The following SLC28A3 variants were observed in gnomAD, a reference collection of about 807,000 sequenced individuals.
SLC28A3 encodes concentrative Na(+)-nucleoside cotransporter 3.
A neutral mutation model predicts 84.2 loss-of-function variants in SLC28A3; 68 were observed. That is an observed-to-expected ratio of 0.81 (90% CI 0.66 to 0.99). The LOEUF (loss-of-function observed/expected upper bound fraction) is 0.99, where lower values mean the gene tolerates loss of function less well. SLC28A3 is among the 50% of genes least tolerant of loss of function. The pLI is 0.00. For missense variants in SLC28A3, 712 were observed against 841.5 expected (o/e 0.85, Z 1.90); for synonymous variants, 267 against 303.6 (o/e 0.88, Z 1.25).
At chr9:84,318,540 T>C (rs1564169347) in intron 1 of SLC28A3, among the ~76,000 whole-genome samples, 1 of 151,834 alleles carries the variant, frequency 6.6e-6, no homozygotes, top group African/African-American at 2.4e-5. Flanking sequence ...ATAATAAGAG[T>C]TTTAAGAAAG....
chr9:84,367,365 T>A, the SLC28A3 span, among the ~76,000 whole-genome samples: 2 of 152,186 alleles, frequency 1.3e-5, no homozygotes, highest in Non-Finnish European at 2.9e-5. Context: ...CCCAAAAGCC[T>A]GCCTGGTGCT....
At chr9:84,320,059 T>TTTTG (rs1273044391) in intron 1 of SLC28A3, among the ~76,000 whole-genome samples, 1 of 135,516 alleles carries the variant, frequency 7.4e-6, no homozygotes, top group African/African-American at 2.9e-5. Flanking sequence ...TTTTTTTTTT[T>TTTTG]TTTTTTTTGA....
At chr9:84,314,890 A>C (rs995327359) in intron 1 of SLC28A3, among the ~76,000 whole-genome samples, 1 of 152,328 alleles carries the variant, frequency 6.6e-6, no homozygotes. Context: ...CATCCTGGCT[A>C]ACATGGTGAA....
chr9:84,290,328 G>T, intron 10 of SLC28A3, 49 bp from the exon 11 acceptor site: 3 of 1,598,586 alleles, frequency 1.9e-6, no homozygotes, highest in Non-Finnish European at 2.6e-6. Context: ...CTGTGTGGGG[G>T]CAGGGGAAGG....
At chr9:84,278,629 C>A (rs1239350616) in intron 17 of SLC28A3, among the ~76,000 whole-genome samples, 1 of 152,014 alleles carries the variant, frequency 6.6e-6, no homozygotes, top group African/African-American at 2.4e-5. Flanking sequence ...TGTGGGAACA[C>A]TGATTTTGCA....
chr9:84,321,785 C>T (rs1826390098), intron 1 of SLC28A3, among the ~76,000 whole-genome samples: 2 of 149,408 alleles, frequency 1.3e-5, no homozygotes, highest in Non-Finnish European at 3.0e-5. Flanking sequence ...GGCGTGGTGG[C>T]TCATGCCTAT....
chr9:84,346,647 AG>A, the SLC28A3 span, among the ~76,000 whole-genome samples: 1 of 152,212 alleles, frequency 6.6e-6, no homozygotes, highest in Non-Finnish European at 1.5e-5. Flanking sequence ...ATCATCCAAG[AG>A]GGGAAAAAGG....
intron 1 of SLC28A3, among the ~76,000 whole-genome samples, chr9:84,316,590 C>T (rs1405970407): frequency 1.3e-5 from 2 of 152,208 alleles, no homozygotes; most frequent in South Asian, 2.1e-4. Flanking sequence ...AGGCTCACCC[C>T]GGCTCTGTAC....
intron 11 of SLC28A3, among the ~76,000 whole-genome samples, chr9:84,288,611 T>A (rs540937539): frequency 3.9e-5 from 6 of 152,032 alleles, no homozygotes; most frequent in Admixed American, 1.3e-4. Context: ...AGTGGTGCGA[T>A]CTTGGCTCCC....
the SLC28A3 span, among the ~76,000 whole-genome samples, chr9:84,347,952 G>A: frequency 6.6e-6 from 1 of 152,054 alleles, no homozygotes; most frequent in African/African-American, 2.4e-5. Context: ...TTTCTAGGGC[G>A]CACAAGTTTG....
the SLC28A3 span, among the ~76,000 whole-genome samples, chr9:84,361,519 C>G: frequency 3.3e-5 from 5 of 152,300 alleles, no homozygotes; most frequent in African/African-American, 1.2e-4. Context: ...CATAGATGAT[C>G]TCTGTGCTCC....
chr9:84,290,203 C>G lies in SLC28A3; in HGVS notation c.1100G>C (p.Gly367Ala), dbSNP rs1458900771. 7 of 1,614,116 alleles carry G rather than the reference C, an allele frequency of 4.3e-6. No individual in the cohort carries two copies. The highest frequency in any genetic ancestry group is 5.9e-6 in the Non-Finnish European group (7 of 1,180,002). The part of the protein sequence containing the change: ...KSELHAIMTA[G>A]FSTIAGSVLG... ...CACGCTTCCAGCAATGGTAGAGAAC[C>G]CGGCGGTCATGATGGCGTGGAGTTC... The change falls in exon 11 of 18, where the codon GGG becomes GCG. Residue 367 changes from glycine to alanine, a missense_variant. Coordinates refer to ENST00000376238, the MANE Select transcript of SLC28A3 (RefSeq NM_001199633.2).
intron 16 of SLC28A3, 38 bp downstream of exon 16, chr9:84,279,937 C>T (rs11568397): frequency 2.4e-5 from 39 of 1,599,950 alleles, no homozygotes; most frequent in Non-Finnish European, 3.1e-5. Context: ...TGCCATTCAT[C>T]CTGTGGGCAC....
chr9:84,318,806 T>C (rs143245875), intron 1 of SLC28A3, among the ~76,000 whole-genome samples: 9,102 of 149,720 alleles, frequency 0.061, 283 homozygotes, highest in Middle Eastern at 0.079. Context: ...GAGGCGGAGG[T>C]TGCAGTGAGC....
Position 84,307,021 on chromosome 9 carries a change from G to T in SLC28A3, c.243-1676C>A, listed in dbSNP as rs1032462890. ...AAAAAAAAAAAAAAAAAAAAAAAAA[G>T]CTTCGTGTGATGGCACAAACCTGTG... On this transcript the variant is annotated intron_variant, in intron 3 of 17. Coordinates refer to ENST00000376238, the MANE Select transcript of SLC28A3 (RefSeq NM_001199633.2). Among the ~76,000 whole-genome samples the T allele has an allele frequency of 4.2e-5, 4 of 95,418 alleles. 1 individual carries two copies. Among genetic ancestry groups the T allele is most frequent in the Admixed American group, 2.4e-4 (2 of 8,448 alleles). The allele number at this position is 95,418 out of a possible 152,430, so 62.6% of individuals were successfully genotyped here.
the SLC28A3 span, among the ~76,000 whole-genome samples, chr9:84,354,802 G>A: frequency 4.6e-5 from 7 of 151,462 alleles, no homozygotes; most frequent in East Asian, 1.9e-4. Flanking sequence ...AGTCTAGATC[G>A]TGCCACTGCA....
rs1256676165 is a variant in SLC28A3 at position 84,313,420 on chromosome 9, G to A, written c.95C>T (p.Ser32Leu). Residue 32 changes from serine to leucine, a missense_variant, in exon 2 of 18, where the codon TCA (serine) becomes TTA (leucine). Physicochemically the swap from Ser to Leu is moderately radical, Grantham distance 145. Coordinates refer to ENST00000376238, the MANE Select transcript of SLC28A3 (RefSeq NM_001199633.2). ...TCTGCTTCTTATTGAGTTGTTTCCTGATGTGTTCTCGTTCTCAAGAAAGTT... is the reference window on the plus strand; with the variant it reads ...TCTGCTTCTTATTGAGTTGTTTCCTAATGTGTTCTCGTTCTCAAGAAAGTT... ...EENFLENENT[S>L]GNNSIRSRAV... The A allele has an allele frequency of 6.2e-7, 1 of 1,614,066 alleles. No individual in the cohort carries two copies. The highest frequency in any genetic ancestry group is 1.7e-5 in the Admixed American group (1 of 60,012).
chr9:84,349,012 G>A, the SLC28A3 span, among the ~76,000 whole-genome samples: 696 of 151,820 alleles, frequency 4.6e-3, 3 homozygotes, highest in African/African-American at 0.016. Context: ...GGTGTCTCAC[G>A]TGTCAGTGTG....
At chr9:84,295,086 G>A (rs1376307046) in intron 8 of SLC28A3, among the ~76,000 whole-genome samples, 1 of 152,104 alleles carries the variant, frequency 6.6e-6, no homozygotes, top group African/African-American at 2.4e-5. Flanking sequence ...TAAACCCTAT[G>A]TCTCATTTGC....
Sources: allele counts gnomAD v4.1 joint callset (sites outside exome capture counted in the v4.1 genomes callset), GRCh38; gene constraint gnomAD v4.1.1; transcripts MANE v1.5; gene names NCBI Gene and HGNC (gene_info 2026-07-23, HGNC 2026-07-21).